GPC5: variants seen among roughly 807,000 people sequenced by gnomAD.
GPC5 encodes glypican-5.
GPC5 carries 47 observed loss-of-function variants against 53.9 expected under a neutral mutation model. The observed-to-expected ratio is 0.87, with a 90% confidence interval of 0.69 to 1.11. GPC5 has a LOEUF of 1.11. Ranked by LOEUF, GPC5 falls within the 50% of genes most tolerant of loss-of-function variation. The pLI, the probability that GPC5 is intolerant of heterozygous loss-of-function variation, is 0.00. For synonymous variants in GPC5, 286 were observed against 263.3 expected (o/e 1.09, Z -0.84); for missense variants, 748 against 713.1 (o/e 1.05, Z -0.56).
At chr13:91,537,489 G>A (rs1421337032) in intron 2 of GPC5, among the ~76,000 whole-genome samples, 1 of 152,088 alleles carries the variant, frequency 6.6e-6, no homozygotes, top group Non-Finnish European at 1.5e-5. Context: ...TGTAAAATCC[G>A]AATAGACCTA....
intron 7 of GPC5, among the ~76,000 whole-genome samples, chr13:92,577,681 T>A (rs1331512033): frequency 6.6e-6 from 1 of 152,182 alleles, no homozygotes; most frequent in African/African-American, 2.4e-5. Context: ...TTATAAGTTT[T>A]GCTTTCATTT....
At chr13:92,843,913 C>G (rs1878514655) in intron 7 of GPC5, among the ~76,000 whole-genome samples, 1 of 151,748 alleles carries the variant, frequency 6.6e-6, no homozygotes, top group Non-Finnish European at 1.5e-5. Flanking sequence ...GACAGAGGGA[C>G]AGGACCTCAT....
At chr13:92,187,784 A>T (rs927043244) in intron 7 of GPC5, among the ~76,000 whole-genome samples, 3 of 152,242 alleles carry the variant, frequency 2.0e-5, no homozygotes, top group African/African-American at 7.2e-5. Flanking sequence ...TGAGAATAAA[A>T]GGAAAATGCT....
intron 1 of GPC5, among the ~76,000 whole-genome samples, chr13:91,434,672 CT>C (rs1193248953): frequency 1.3e-5 from 2 of 152,062 alleles, no homozygotes; most frequent in Admixed American, 6.6e-5. Flanking sequence ...GATGCGGGCT[CT>C]TTTTTGGTTG....
At chr13:91,653,848 T>G (rs2034780288) in intron 2 of GPC5, among the ~76,000 whole-genome samples, 1 of 152,180 alleles carries the variant, frequency 6.6e-6, no homozygotes, top group Admixed American at 6.6e-5. Context: ...ATGTACAGTT[T>G]GATACATTTT....
At chr13:92,685,746 T>A (rs2139228959) in intron 7 of GPC5, among the ~76,000 whole-genome samples, 1 of 103,578 alleles carries the variant, frequency 9.7e-6, no homozygotes, top group Middle Eastern at 4.2e-3. Flanking sequence ...CAGAGTGTGA[T>A]ATTCCCCTTC....
chr13:91,990,588 A>G (rs1566381542), intron 6 of GPC5, among the ~76,000 whole-genome samples: 1 of 152,214 alleles, frequency 6.6e-6, no homozygotes, highest in Non-Finnish European at 1.5e-5. Flanking sequence ...TGTTTAATAC[A>G]TTTAAAAATA....
intron 7 of GPC5, among the ~76,000 whole-genome samples, chr13:92,699,026 T>C (rs1055602953): frequency 2.0e-5 from 3 of 152,192 alleles, no homozygotes; most frequent in African/African-American, 7.2e-5. Context: ...GTACCTCTGG[T>C]AGCATTTGGC....
At position 91,801,977 on chromosome 13, in the gene GPC5, G is replaced by A. The variant is rs2038143533; in HGVS notation, c.1280+45557G>A. Among the ~76,000 whole-genome samples, 7 of 152,078 alleles carry A rather than the reference G, an allele frequency of 4.6e-5. No homozygotes were observed. The South Asian group carries it at 1.5e-3, about 32-fold the overall frequency. On this transcript the variant is annotated intron_variant, in intron 5 of 7. Transcript: ENST00000377067. ...TTTTCTGCCTTGGATTTCTAGGCAT[G>A]GTTAAAGCAGATGTCCCTATGTACT...
chr13:91,543,530 C>T (rs2030091118), intron 2 of GPC5, among the ~76,000 whole-genome samples: 1 of 79,226 alleles, frequency 1.3e-5, no homozygotes, highest in South Asian at 8.1e-4. Flanking sequence ...CATGATTTTT[C>T]AAAGAGAGAG....
intron 6 of GPC5, among the ~76,000 whole-genome samples, chr13:91,978,486 C>T (rs1023007425): frequency 3.9e-5 from 6 of 152,124 alleles, no homozygotes; most frequent in Non-Finnish European, 7.3e-5. Context: ...GTAGCAATAA[C>T]AAAAGCAAAT....
At chr13:91,982,176 G>A (rs2040365991) in intron 6 of GPC5, among the ~76,000 whole-genome samples, 1 of 152,154 alleles carries the variant, frequency 6.6e-6, no homozygotes, top group Non-Finnish European at 1.5e-5. Flanking sequence ...AGAGGCAGAG[G>A]TCATTCATGA....
Position 91,693,415 on chromosome 13 carries a change from A to G in GPC5, c.554A>G (p.Asp185Gly), listed in dbSNP as rs1354303680. 1 of 1,613,972 alleles carries G rather than the reference A, an allele frequency of 6.2e-7. No individual in the cohort carries two copies. Among genetic ancestry groups the G allele is most frequent in the East Asian group, 2.2e-5 (1 of 44,886 alleles). ...YNHLINPGVT[D>G]SSLEYSECIR... ...CACCTCATTAACCCTGGTGTGACTGACAGTTCCCTGGAATACTCAGAATGC... is the reference window on the plus strand; with the variant it reads ...CACCTCATTAACCCTGGTGTGACTGGCAGTTCCCTGGAATACTCAGAATGC... Residue 185 changes from aspartate to glycine, a missense_variant, in exon 3 of 8, where the codon GAC (aspartate) becomes GGC (glycine). By Grantham distance (94) the Asp-to-Gly change is moderately conservative (BLOSUM62 -1). Transcript: ENST00000377067.
chr13:92,355,117 T>A (rs1451573777), intron 7 of GPC5, among the ~76,000 whole-genome samples: 1 of 151,700 alleles, frequency 6.6e-6, no homozygotes, highest in Non-Finnish European at 1.5e-5. Context: ...TTAATGAAAT[T>A]AGTATATATG....
chr13:91,975,950 G>C (rs2040296349), intron 6 of GPC5, among the ~76,000 whole-genome samples: 1 of 152,136 alleles, frequency 6.6e-6, no homozygotes, highest in Non-Finnish European at 1.5e-5. Context: ...CATAAAAAAT[G>C]ATGAGTTCAT....
At chr13:92,096,542 G>T (rs1446679895) in intron 6 of GPC5, among the ~76,000 whole-genome samples, 1 of 152,158 alleles carries the variant, frequency 6.6e-6, no homozygotes, top group Non-Finnish European at 1.5e-5. Context: ...TAGTGGTATG[G>T]TAGTGAGAGG....
intron 7 of GPC5, among the ~76,000 whole-genome samples, chr13:92,521,499 C>CA (rs945138283): frequency 9.2e-5 from 14 of 152,134 alleles, no homozygotes; most frequent in African/African-American, 3.4e-4. Flanking sequence ...TGATCTTTGA[C>CA]AAACCTGACA....
At chr13:92,533,397 A>C (rs1175801024) in intron 7 of GPC5, among the ~76,000 whole-genome samples, 3 of 152,140 alleles carry the variant, frequency 2.0e-5, no homozygotes, top group African/African-American at 4.8e-5. Flanking sequence ...CTTCATTAAC[A>C]TTACCATCAG....
At chr13:92,297,077 C>T (rs2043041757) in intron 7 of GPC5, among the ~76,000 whole-genome samples, 1 of 152,272 alleles carries the variant, frequency 6.6e-6, no homozygotes, top group Admixed American at 6.5e-5. Flanking sequence ...TGGCAGGCAG[C>T]TCCACCTGCA....
Sources: allele counts gnomAD v4.1 joint callset (sites outside exome capture counted in the v4.1 genomes callset), GRCh38; gene constraint gnomAD v4.1.1; transcripts MANE v1.5; gene names NCBI Gene and HGNC (gene_info 2026-07-23, HGNC 2026-07-21).